The following DNAH12 variants were observed in gnomAD, a reference collection of about 807,000 sequenced individuals.
The protein encoded by DNAH12 is axonemal beta dynein heavy chain 12.
A neutral mutation model predicts 371.5 loss-of-function variants in DNAH12; 285 were observed. The ratio of observed to expected loss-of-function variants is 0.77; its 90% confidence interval spans 0.70 to 0.85. DNAH12 has a LOEUF of 0.85. Among genes scored for constraint, DNAH12 ranks in the 40% least tolerant of loss-of-function variants. The pLI, the probability that DNAH12 is intolerant of heterozygous loss-of-function variation, is 0.00. For missense variants in DNAH12, 3,611 were observed against 3,689.4 expected (o/e 0.98, Z 0.55); for synonymous variants, 1,200 against 1,213.0 (o/e 0.99, Z 0.22).
intron 60 of DNAH12, among the ~76,000 whole-genome samples, chr3:57,345,564 CATTTT>C: frequency 6.6e-6 from 1 of 152,148 alleles, no homozygotes; most frequent in Non-Finnish European, 1.5e-5. Context: ...CATCACCTGA[CATTTT>C]AAGTGGATAA....
chr3:57,346,739 A>G (rs571957719), intron 60 of DNAH12, among the ~76,000 whole-genome samples: 1 of 152,286 alleles, frequency 6.6e-6, no homozygotes, highest in East Asian at 1.9e-4. Flanking sequence ...AAAGACACAG[A>G]TACATTAAAA....
chr3:57,345,425 G>T (rs188310296), intron 60 of DNAH12, among the ~76,000 whole-genome samples: 393 of 152,220 alleles, frequency 2.6e-3, no homozygotes, highest in Non-Finnish European at 4.3e-3. Flanking sequence ...CTTTGTATGG[G>T]TCTTATGTTA....
chr3:57,393,884 G>A (rs2063684691), intron 44 of DNAH12, among the ~76,000 whole-genome samples: 1 of 151,940 alleles, frequency 6.6e-6, no homozygotes, highest in Admixed American at 6.6e-5. Context: ...AACCTTAAGA[G>A]ATGATTTAAA....
chr3:57,322,958 T>A, intron 64 of DNAH12, 49 bp downstream of exon 64: 5 of 1,532,766 alleles, frequency 3.3e-6, no homozygotes, highest in Non-Finnish European at 4.4e-6. Context: ...AAATAAGATA[T>A]ACAGATAGCT....
chr3:57,378,227 TG>T (rs2063321478), intron 52 of DNAH12, among the ~76,000 whole-genome samples: 1 of 152,096 alleles, frequency 6.6e-6, no homozygotes, highest in Non-Finnish European at 1.5e-5. Context: ...GGAAAAAGCC[TG>T]AGTGCCTTGG....
chr3:57,540,137 A>G (rs1263271097), intron 2 of DNAH12, among the ~76,000 whole-genome samples: 1 of 150,120 alleles, frequency 6.7e-6, no homozygotes, highest in Non-Finnish European at 1.5e-5. Flanking sequence ...TGTAACCTCC[A>G]CCTCCCCGGT....
chr3:57,376,717 C>T (rs2063289386), intron 53 of DNAH12, among the ~76,000 whole-genome samples: 1 of 152,108 alleles, frequency 6.6e-6, no homozygotes, highest in Non-Finnish European at 1.5e-5. Context: ...GTACAACAAA[C>T]AACTACATAC....
At chr3:57,497,051 A>C (rs1575686431) in intron 11 of DNAH12, among the ~76,000 whole-genome samples, 1 of 152,352 alleles carries the variant, frequency 6.6e-6, no homozygotes, top group East Asian at 1.9e-4. Context: ...TATTTGCAAG[A>C]GCTGTACAAT....
intron 70 of DNAH12, 120 bp downstream of exon 70, chr3:57,301,615 G>A (rs747562232): frequency 1.4e-4 from 181 of 1,253,730 alleles, no homozygotes; most frequent in Non-Finnish European, 1.8e-4. Context: ...TATCTCCCCA[G>A]TTAACCCAAA....
At chr3:57,456,913 T>C (rs1669565985) in intron 22 of DNAH12, among the ~76,000 whole-genome samples, 1 of 152,216 alleles carries the variant, frequency 6.6e-6, no homozygotes, top group African/African-American at 2.4e-5. Context: ...CATCAAGACC[T>C]GTTGAAATTA....
chr3:57,375,567 AT>A (rs2063264847), intron 54 of DNAH12, 51 bp from the exon 55 acceptor site: 1 of 152,136 alleles, frequency 6.6e-6, no homozygotes, highest in Non-Finnish European at 1.5e-5. Context: ...TAACTGAAAT[AT>A]TTTTTAAATT....
intron 29 of DNAH12, 133 bp downstream of exon 29, chr3:57,444,564 T>TTAAC: frequency 7.6e-7 from 1 of 1,308,874 alleles, no homozygotes. Flanking sequence ...CTTATTGTTA[T>TTAAC]TAACTAAAGT....
chr3:57,409,803 G>A (rs115486203), intron 39 of DNAH12, among the ~76,000 whole-genome samples: 2 of 152,226 alleles, frequency 1.3e-5, no homozygotes, highest in Non-Finnish European at 2.9e-5. Context: ...AGGAGGAAAG[G>A]AAGAATTATT....
At chr3:57,336,776 T>C (rs2062233793) in intron 60 of DNAH12, among the ~76,000 whole-genome samples, 1 of 152,214 alleles carries the variant, frequency 6.6e-6, no homozygotes. Context: ...CTGAACAAAC[T>C]GAAAATCAGC....
chr3:57,450,266 T>G (rs1327156646), intron 25 of DNAH12, among the ~76,000 whole-genome samples: 229 of 43,488 alleles, frequency 5.3e-3, no homozygotes, highest in Non-Finnish European at 6.3e-3. Context: ...AAAAAAAAGG[T>G]GGCCCAGTGA....
chr3:57,540,751 G>A (rs748646623), intron 2 of DNAH12, among the ~76,000 whole-genome samples: 2 of 152,058 alleles, frequency 1.3e-5, no homozygotes, highest in Non-Finnish European at 2.9e-5. Flanking sequence ...GCAACATGGC[G>A]AAACCATGTC....
intron 2 of DNAH12, among the ~76,000 whole-genome samples, chr3:57,533,625 G>A (rs1026816067): frequency 1.3e-5 from 2 of 152,184 alleles, no homozygotes; most frequent in African/African-American, 2.4e-5. Flanking sequence ...TCTGGCCAAC[G>A]ATGTGTCAAT....
chr3:57,343,252 C>T (rs1553656838), intron 60 of DNAH12, among the ~76,000 whole-genome samples: 1 of 152,102 alleles, frequency 6.6e-6, no homozygotes, highest in Admixed American at 6.5e-5. Context: ...TAAGAGACTC[C>T]ATTTTGAAAA....
At position 57,353,103 on chromosome 3, in the gene DNAH12, C is replaced by T. The variant is rs1026737661; in HGVS notation, c.9534-878G>A. Among the ~76,000 whole-genome samples the T allele has an allele frequency of 5.3e-5, 8 of 151,320 alleles. No individual in the cohort carries two copies. The East Asian group carries it at 1.2e-3, about 22-fold the overall frequency. On this transcript the variant is annotated intron_variant, in intron 59 of 73. Coordinates refer to ENST00000495027, the MANE Select transcript of DNAH12 (RefSeq NM_001366028.2). ...TCCGTCTCAAAAAGAAAATAAAATG[C>T]ATAAAAAGTCAGAAAACATATGGAT...
Sources: allele counts gnomAD v4.1 joint callset (sites outside exome capture counted in the v4.1 genomes callset), GRCh38; gene constraint gnomAD v4.1.1; transcripts MANE v1.5; gene names NCBI Gene and HGNC (gene_info 2026-07-23, HGNC 2026-07-21).